The following SHROOM3 variants were observed in gnomAD, a reference collection of about 807,000 sequenced individuals.
The protein encoded by SHROOM3 is protein Shroom3.
Under a neutral mutation model 138.6 loss-of-function variants are expected in SHROOM3, and 47 were observed. That is an observed-to-expected ratio of 0.34 (90% CI 0.27 to 0.43). SHROOM3 has a LOEUF of 0.43. Among genes scored for constraint, SHROOM3 ranks in the 20% least tolerant of loss-of-function variants. The pLI, the probability that SHROOM3 is intolerant of heterozygous loss-of-function variation, is 1.00. For synonymous variants in SHROOM3, 1,062 were observed against 1,063.3 expected, an observed-to-expected ratio of 1.00 and a Z score of 0.02; for missense variants, 2,491 against 2,596.5, an observed-to-expected ratio of 0.96 and a Z score of 0.88.
intron 6 of SHROOM3, 36 bp downstream of exon 6, chr4:76,749,126 A>G (rs1721543543): frequency 6.4e-7 from 1 of 1,563,604 alleles, no homozygotes; most frequent in African/African-American, 1.4e-5. Context: ...TCTGCATATG[A>G]ATGCTGCTGG....
chr4:76,526,110 G>A (rs1252083389), intron 1 of SHROOM3, among the ~76,000 whole-genome samples: 2 of 152,206 alleles, frequency 1.3e-5, no homozygotes, highest in African/African-American at 4.8e-5. Flanking sequence ...GCTCATGCCT[G>A]TAATCCCAGC....
At chr4:76,761,625 C>T (rs879064514) in intron 9 of SHROOM3, among the ~76,000 whole-genome samples, 25 of 152,314 alleles carry the variant, frequency 1.6e-4, no homozygotes, top group Middle Eastern at 6.8e-3. Flanking sequence ...AACCTTGCTG[C>T]CCTGGGAACT....
intron 2 of SHROOM3, among the ~76,000 whole-genome samples, chr4:76,567,421 C>T (rs1352706181): frequency 6.6e-6 from 1 of 152,022 alleles, no homozygotes; most frequent in East Asian, 1.9e-4. Context: ...GAGTCCAAGG[C>T]GGGTGAATCA....
At position 76,738,799 on chromosome 4, in the gene SHROOM3, A is replaced by G. The variant is rs149557511; in HGVS notation, c.626A>G (p.Tyr209Cys). 2.7e-5 allele frequency: 44 copies of G among 1,614,088 alleles called. No individual in the cohort carries two copies. The highest frequency in any genetic ancestry group is 3.6e-5 in the Non-Finnish European group (42 of 1,180,044). The change falls in exon 5 of 11, where the codon TAT becomes TGT. Residue 209 changes from tyrosine (Y) to cysteine (C), a missense_variant. This residue lies in a region of SHROOM3 where 284 missense variants were observed against 322.8 expected (regional missense o/e 0.88). Coordinates refer to ENST00000296043, the MANE Select transcript of SHROOM3 (RefSeq NM_020859.4). Reference protein sequence around the residue: ...TSDLSNYDHAYLRRSPDQCSS... With the variant: ...TSDLSNYDHACLRRSPDQCSS... The stretch of plus-strand genomic sequence containing the variant: ...GACCTCTCCAACTATGACCATGCTT[A>G]TCTAAGGCGGAGCCCTGACCAGTGC...
intron 1 of SHROOM3, among the ~76,000 whole-genome samples, chr4:76,547,295 A>G (rs1733241843): frequency 6.6e-6 from 1 of 152,206 alleles, no homozygotes; most frequent in Non-Finnish European, 1.5e-5. Context: ...TTCTAATCCC[A>G]GCTCTATTGT....
intron 2 of SHROOM3, among the ~76,000 whole-genome samples, chr4:76,570,528 C>T (rs1298218757): frequency 6.6e-6 from 1 of 152,142 alleles, no homozygotes; most frequent in African/African-American, 2.4e-5. Flanking sequence ...AAGTCAGGGG[C>T]AGAGGTCAAA....
chr4:76,707,068 G>A (rs1720076477), intron 2 of SHROOM3, among the ~76,000 whole-genome samples: 1 of 152,184 alleles, frequency 6.6e-6, no homozygotes, highest in Non-Finnish European at 1.5e-5. Context: ...TTGATTTCCA[G>A]GCTTCTACAA....
intron 1 of SHROOM3, among the ~76,000 whole-genome samples, chr4:76,462,011 C>T (rs1731151457): frequency 6.6e-6 from 1 of 152,148 alleles, no homozygotes; most frequent in Non-Finnish European, 1.5e-5. Context: ...TAGGATAGGA[C>T]AAAAGGAGTT....
intron 3 of SHROOM3, chr4:76,716,252 C>T (rs548686840): frequency 9.1e-5 from 46 of 507,784 alleles, no homozygotes; most frequent in South Asian, 4.0e-4. Context: ...CGATTCAGGC[C>T]GTCCAACTGG....
At chr4:76,588,857 G>C (rs980587906) in intron 2 of SHROOM3, among the ~76,000 whole-genome samples, 1 of 151,570 alleles carries the variant, frequency 6.6e-6, no homozygotes, top group Admixed American at 6.6e-5. Context: ...TCCTTGTTAG[G>C]CCAAACCCCT....
intron 2 of SHROOM3, among the ~76,000 whole-genome samples, chr4:76,667,403 C>T (rs925663882): frequency 2.0e-5 from 3 of 152,066 alleles, no homozygotes; most frequent in Non-Finnish European, 4.4e-5. Context: ...ACTGCAGCCT[C>T]AATCTCCAGG....
intron 2 of SHROOM3, among the ~76,000 whole-genome samples, chr4:76,706,194 A>G (rs941126059): frequency 1.3e-5 from 2 of 151,908 alleles, no homozygotes; most frequent in South Asian, 4.2e-4. Context: ...AGCTCACTGC[A>G]ACCTCTACCT....
intron 1 of SHROOM3, among the ~76,000 whole-genome samples, chr4:76,458,903 C>A (rs1180134179): frequency 6.6e-6 from 1 of 152,158 alleles, no homozygotes; most frequent in East Asian, 1.9e-4. Context: ...GACAGGAGCT[C>A]TGTGTACCTT....
At chr4:76,688,426 G>A in intron 2 of SHROOM3, 1 of 985,226 alleles carries the variant, frequency 1.0e-6, no homozygotes, top group Non-Finnish European at 1.2e-6. Flanking sequence ...TACCTAGTGA[G>A]GTCTTCTCTG....
chr4:76,771,262 C>T (rs545540735), intron 10 of SHROOM3, among the ~76,000 whole-genome samples: 22 of 151,898 alleles, frequency 1.4e-4, no homozygotes, highest in African/African-American at 5.3e-4. Context: ...CTTGTAATCC[C>T]GGCTACTCAG....
intron 10 of SHROOM3, among the ~76,000 whole-genome samples, chr4:76,771,800 C>T (rs1167841884): frequency 6.6e-6 from 1 of 152,204 alleles, no homozygotes; most frequent in Non-Finnish European, 1.5e-5. Context: ...CAAGTTGTAT[C>T]ACCGCATTGA....
intron 1 of SHROOM3, among the ~76,000 whole-genome samples, chr4:76,504,190 C>T (rs1374368510): frequency 6.6e-6 from 1 of 151,778 alleles, no homozygotes; most frequent in African/African-American, 2.4e-5. Context: ...CGGAGTTTTA[C>T]ACTTGTTGCC....
At chr4:76,729,476 T>A (rs975796342) in intron 3 of SHROOM3, among the ~76,000 whole-genome samples, 1 of 152,242 alleles carries the variant, frequency 6.6e-6, no homozygotes, top group African/African-American at 2.4e-5. Flanking sequence ...CATTTTCCTA[T>A]CACCCTAATC....
intron 2 of SHROOM3, among the ~76,000 whole-genome samples, chr4:76,590,352 G>C (rs1033546697): frequency 2.6e-5 from 4 of 152,150 alleles, no homozygotes; most frequent in African/African-American, 9.7e-5. Context: ...GCCGTCTGAA[G>C]GTGGCTGGCC....
Sources: allele counts gnomAD v4.1 joint callset (sites outside exome capture counted in the v4.1 genomes callset), GRCh38; gene constraint gnomAD v4.1.1; regional missense constraint gnomAD v4.1.1; transcripts MANE v1.5; gene names NCBI Gene and HGNC (gene_info 2026-07-23, HGNC 2026-07-21).